The following DHTKD1 variants were observed in gnomAD, a reference collection of about 807,000 sequenced individuals.
DHTKD1 encodes 2-oxoadipate dehydrogenase complex component E1.
A neutral mutation model predicts 101.8 loss-of-function variants in DHTKD1; 78 were observed. The ratio of observed to expected loss-of-function variants is 0.77; its 90% CI spans 0.64 to 0.93. The LOEUF (loss-of-function observed/expected upper bound fraction) is 0.93. Ranked by LOEUF, DHTKD1 falls within the 40% of genes least tolerant of loss-of-function variation. The probability of loss-of-function intolerance (pLI) is 0.00; values close to 1 mark genes in which losing one functional copy is unlikely to be tolerated. For missense variants in DHTKD1, 1,223 were observed against 1,161.7 expected (o/e 1.05, Z -0.77); for synonymous variants, 462 against 450.3 (o/e 1.03, Z -0.33).
intron 1 of DHTKD1, among the ~76,000 whole-genome samples, chr10:12,078,728 G>A (rs1015192005): frequency 6.6e-5 from 10 of 152,228 alleles, no homozygotes; most frequent in African/African-American, 1.2e-4. Flanking sequence ...CACACAGGCG[G>A]GAGTGCAGTG....
chr10:12,085,379 T>A (rs1308982778), intron 3 of DHTKD1, among the ~76,000 whole-genome samples: 1 of 152,180 alleles, frequency 6.6e-6, no homozygotes, highest in Non-Finnish European at 1.5e-5. Context: ...AATCCCTCGT[T>A]ACTTCAACAC....
At chr10:12,111,236 GCT>G (rs1409518162) in intron 12 of DHTKD1, among the ~76,000 whole-genome samples, 5 of 152,100 alleles carry the variant, frequency 3.3e-5, no homozygotes, top group African/African-American at 1.2e-4. Flanking sequence ...TGCAGTCTTG[GCT>G]CTCTGCAACC....
intron 16 of DHTKD1, chr10:12,120,490 C>CA (rs1295950601): frequency 1.9e-6 from 1 of 515,538 alleles, no homozygotes; most frequent in Non-Finnish European, 3.5e-6. Context: ...CCCGCCACCA[C>CA]ACCCAGCTAA....
intron 12 of DHTKD1, among the ~76,000 whole-genome samples, chr10:12,108,250 C>A (rs1056182776): frequency 6.6e-6 from 1 of 152,120 alleles, no homozygotes. Context: ...TTATACCAGG[C>A]TGATCATCAG....
intron 14 of DHTKD1, among the ~76,000 whole-genome samples, chr10:12,118,500 A>G (rs923978186): frequency 6.7e-6 from 1 of 149,562 alleles, no homozygotes; most frequent in Non-Finnish European, 1.5e-5. Flanking sequence ...CTCCTGCCTT[A>G]GCCTCCCGAG....
chr10:12,088,901 G>T, intron 4 of DHTKD1, 85 bp from the exon 5 acceptor site: 1 of 1,302,970 alleles, frequency 7.7e-7, no homozygotes, highest in South Asian at 1.4e-5. Flanking sequence ...TTTCTTTTTT[G>T]TTGTATGATT....
intron 1 of DHTKD1, among the ~76,000 whole-genome samples, chr10:12,071,182 T>G (rs1041061809): frequency 5.3e-5 from 8 of 152,202 alleles, no homozygotes; most frequent in Admixed American, 2.6e-4. Context: ...AAGGGATATC[T>G]TCTTTCCTTC....
rs1181252691 is a variant in DHTKD1, at chr10:12,121,361, AC to A, written c.*475del. 6.3e-6 allele frequency: 1 copy of A among 157,546 alleles called. No homozygotes were observed. Among genetic ancestry groups the A allele is most frequent in the Non-Finnish European group, 1.4e-5 (1 of 70,814 alleles). 9.8% of individuals were successfully genotyped at this position (157,546 alleles called of 1,614,324 possible). On this transcript the variant is annotated 3_prime_UTR_variant, in exon 17 of 17. Transcript: ENST00000263035. ...GATTTAATCTGCAATAGGTGGAATA[AC>A]CAGGGGAACTGGTTATGAATATGTG...
At position 12,097,703 on chromosome 10, in the gene DHTKD1, GAC is replaced by G; in HGVS notation, c.1382_1383del (p.Thr461IlefsTer18). 3 of 1,612,962 alleles carry G rather than the reference GAC, an allele frequency of 1.9e-6. No homozygotes were observed. Among genetic ancestry groups the G allele is most frequent in the Non-Finnish European group, 2.5e-6 (3 of 1,179,434 alleles). On this transcript the variant is annotated frameshift_variant, in exon 8 of 17. Coordinates refer to ENST00000263035, the MANE Select transcript of DHTKD1 (RefSeq NM_018706.7). LOFTEE classifies it high-confidence loss of function. ...KIIRARKSIPDTYAEHLIAGG... is the reference protein window; with the variant it reads ...KIIRARKSIPXTYAEHLIAGG... ...GGGCAGAGCTCGAAAGAGCATTCCA[GAC>G]ACATATGCAGAGCACCTCATTGCTG...
In DHTKD1 at chr10:12,089,023, C is replaced by T; in HGVS notation, c.755C>T (p.Pro252Leu). ...FRKMRGLSEFPENFSATGDVL... is the reference protein window; with the variant it reads ...FRKMRGLSEFLENFSATGDVL... ...AAAATGCGAGGCTTAAGTGAATTTCCAGAGAATTTCTCAGCCACTGGAGAC... is the reference window on the plus strand; with the variant it reads ...AAAATGCGAGGCTTAAGTGAATTTCTAGAGAATTTCTCAGCCACTGGAGAC... Residue 252 changes from proline (P) to leucine (L), a missense_variant, in exon 5 of 17, where the codon CCA becomes CTA. Transcript: ENST00000263035. 1 of 1,613,996 alleles carries T rather than the reference C, an allele frequency of 6.2e-7. No individual in the cohort carries two copies. Among genetic ancestry groups the T allele is most frequent in the Non-Finnish European group, 8.5e-7 (1 of 1,179,936 alleles).
intron 12 of DHTKD1, 116 bp downstream of exon 12, chr10:12,108,131 A>G: frequency 1.5e-6 from 1 of 679,332 alleles, no homozygotes; most frequent in Non-Finnish European, 2.5e-6. Context: ...TATTTGAGTG[A>G]AACAGATTTG....
At chr10:12,101,310 T>C in intron 10 of DHTKD1, 129 bp downstream of exon 10, 1 of 1,001,472 alleles carries the variant, frequency 1.0e-6, no homozygotes, top group Non-Finnish European at 1.4e-6. Flanking sequence ...GAGTGCTAAA[T>C]GGGTGGATGA....
intron 4 of DHTKD1, among the ~76,000 whole-genome samples, chr10:12,088,581 ATACT>A (rs1230975603): frequency 3.3e-5 from 5 of 151,956 alleles, no homozygotes; most frequent in African/African-American, 7.2e-5. Flanking sequence ...TTTTCCATGT[ATACT>A]TACTTATTTA....
intron 1 of DHTKD1, 117 bp from the exon 2 acceptor site, chr10:12,081,355 A>G (rs1272739866): frequency 2.6e-6 from 2 of 778,336 alleles, no homozygotes; most frequent in Non-Finnish European, 4.3e-6. Context: ...TCTAAAATAA[A>G]TAAATAAATA....
At chr10:12,073,242 A>C (rs941622053) in intron 1 of DHTKD1, among the ~76,000 whole-genome samples, 1 of 152,108 alleles carries the variant, frequency 6.6e-6, no homozygotes, top group Non-Finnish European at 1.5e-5. Context: ...CATATTGGCC[A>C]GGGTGGTATC....
Position 12,084,589 on chromosome 10 carries a change from C to G in DHTKD1, c.360C>G (p.Val120=). The G allele has an allele frequency of 6.2e-7, 1 of 1,613,658 alleles. No individual in the cohort carries two copies. Among genetic ancestry groups the G allele is most frequent in the Non-Finnish European group, 8.5e-7 (1 of 1,179,592 alleles). Residue 120 remains valine, a synonymous_variant, in exon 3 of 17, where the codon GTC becomes GTG. Coordinates refer to ENST00000263035, the MANE Select transcript of DHTKD1 (RefSeq NM_018706.7). ...KEEASLEEVL[V]YLNQIYCGQI... is the part of the protein sequence containing the mutation. ...AGGCCTCACTTGAGGAAGTGTTAGT[C>G]TATCTCAATCAAATCTACTGTGGGC...
At chr10:12,104,324 G>A (rs1297795657) in intron 10 of DHTKD1, among the ~76,000 whole-genome samples, 2 of 152,036 alleles carry the variant, frequency 1.3e-5, no homozygotes, top group Non-Finnish European at 2.9e-5. Context: ...GACTGCAGGT[G>A]TGCGCCACCA....
intron 1 of DHTKD1, among the ~76,000 whole-genome samples, chr10:12,074,645 A>G: frequency 1.0e-5 from 1 of 99,804 alleles, no homozygotes; most frequent in Non-Finnish European, 2.0e-5. Flanking sequence ...GGCGTGAGCT[A>G]CCGCGGGTCT....
At chr10:12,069,313 G>T in intron 1 of DHTKD1, 126 bp downstream of exon 1, 3 of 654,338 alleles carry the variant, frequency 4.6e-6, no homozygotes, top group African/African-American at 1.9e-5. Context: ...CGGTGGGGAG[G>T]AGGGGGAGGT....
Sources: allele counts gnomAD v4.1 joint callset (sites outside exome capture counted in the v4.1 genomes callset), GRCh38; gene constraint gnomAD v4.1.1; transcripts MANE v1.5; gene names NCBI Gene and HGNC (gene_info 2026-07-23, HGNC 2026-07-21).